Variants in TNK2 observed in about 807,000 individuals in gnomAD.
TNK2 encodes activated CDC42 kinase 1.
TNK2 carries 83 observed loss-of-function variants against 101.8 expected under a neutral mutation model. That is an observed-to-expected ratio of 0.82 (90% confidence interval 0.68 to 0.98). The LOEUF (loss-of-function observed/expected upper bound fraction) is 0.98. Ranked by LOEUF, TNK2 falls within the 50% of genes least tolerant of loss-of-function variation. The probability of loss-of-function intolerance (pLI) is 0.00; values close to 1 mark genes in which losing one functional copy is unlikely to be tolerated. For synonymous variants in TNK2, 804 were observed against 633.0 expected (o/e 1.27, Z -4.06); for missense variants, 1,665 against 1,483.2 (o/e 1.12, Z -2.01).
chr3:195,890,438 C>T (rs1757914350), intron 1 of TNK2, among the ~76,000 whole-genome samples: 2 of 145,740 alleles, frequency 1.4e-5, no homozygotes, highest in African/African-American at 2.5e-5. Context: ...TAAGAAAGTA[C>T]TTTTATAGTT....
At chr3:195,892,211 G>C (rs1202533187) in intron 1 of TNK2, among the ~76,000 whole-genome samples, 1 of 152,224 alleles carries the variant, frequency 6.6e-6, no homozygotes, top group Non-Finnish European at 1.5e-5. Context: ...TCACTACTCT[G>C]TGGCCGGCGT....
In TNK2 at chr3:195,870,174, CG is replaced by C. The variant is rs750898925; in HGVS notation, c.1482del (p.Asp495ThrfsTer3). On this transcript the variant is annotated frameshift_variant, in exon 11 of 16. Coordinates refer to ENST00000672887, the MANE Select transcript of TNK2 (RefSeq NM_001382273.1). LOFTEE classifies it high-confidence loss of function. Reference sequence around the variant, plus strand: ...GTGCTCAGTTCCACGCTCAGGAGGTCGGGGGGGTCCATGGGGTTTCCCAGAT... The same window carrying C: ...GTGCTCAGTTCCACGCTCAGGAGGTCGGGGGGTCCATGGGGTTTCCCAGAT... ...ELYLGNPMDPPDLLSVELSTS... is the reference protein window; with the variant it reads ...ELYLGNPMDPXDLLSVELSTS... The C allele has an allele frequency of 5.8e-5, 89 of 1,525,050 alleles. No individual in the cohort carries two copies. Among genetic ancestry groups the C allele is most frequent in the East Asian group, 1.2e-4 (5 of 42,184 alleles). The allele number at this position is 1,525,050 out of a possible 1,614,324, so 94.5% of individuals were successfully genotyped here. A position where few individuals can be genotyped will look rare whatever the true frequency, so the allele number is the denominator to read the frequency against.
At position 195,885,327 on chromosome 3, in the gene TNK2, A is replaced by C; in HGVS notation, c.235-294T>G. ...ACCCAGCTGTGTGGAGAGGGAGGGC[A>C]CCGCCCAGCCAAGGTCGGAGTCTCC... On this transcript the variant is annotated intron_variant, in intron 3 of 15. Coordinates refer to ENST00000672887, the MANE Select transcript of TNK2 (RefSeq NM_001382273.1). This position sits in a 1 kb window ranked among gnomAD's most constrained non-coding sequence, Gnocchi z 4.7. 7.2e-7 allele frequency: 1 copy of C among 1,382,108 alleles called. No individual in the cohort carries two copies. The highest frequency in any genetic ancestry group is 9.5e-7 in the Non-Finnish European group (1 of 1,056,300). The allele number at this position is 1,382,108 out of a possible 1,614,324, so 85.6% of individuals were successfully genotyped here. A position where few individuals can be genotyped will look rare whatever the true frequency, so the allele number is the denominator to read the frequency against.
At chr3:195,892,200 G>A (rs997583761) in intron 1 of TNK2, among the ~76,000 whole-genome samples, 9 of 152,322 alleles carry the variant, frequency 5.9e-5, no homozygotes, top group South Asian at 2.1e-4. Flanking sequence ...ACCTGTGTCC[G>A]TCACTACTCT....
rs970148545 is a variant in TNK2 at position 195,892,803 on chromosome 3, C to G, written c.-18-4197G>C. On this transcript the variant is annotated intron_variant, in intron 1 of 15. Coordinates refer to ENST00000672887, the MANE Select transcript of TNK2 (RefSeq NM_001382273.1). The stretch of plus-strand genomic sequence containing the variant: ...ACCCAACTGCCCGCCCGGCCGCCCT[C>G]CCTCTTGCCTGCCTCTCTCTCTCCC... 1.8e-4 allele frequency: 207 copies of G among 1,125,656 alleles called. 1 individual carries two copies. The African/African-American group carries it at 3.2e-3, about 18-fold the overall frequency. 69.7% of individuals were successfully genotyped at this position (1,125,656 alleles called of 1,614,324 possible). A position where few individuals can be genotyped will look rare whatever the true frequency, so the allele number is the denominator to read the frequency against.
intron 2 of TNK2, among the ~76,000 whole-genome samples, chr3:195,887,952 CTGCGTG>C (rs1160909091): frequency 1.3e-5 from 1 of 75,216 alleles, no homozygotes; most frequent in African/African-American, 8.7e-5. Context: ...GCGTGTGTGC[CTGCGTG>C]TGTGTGTGTG....
At chr3:195,895,667 ACTCAGCC>A in intron 1 of TNK2, 1 of 1,182,366 alleles carries the variant, frequency 8.5e-7, no homozygotes. Context: ...ACCGGGCTCC[ACTCAGCC>A]CTCAGCCCGC....
intron 10 of TNK2, among the ~76,000 whole-genome samples, chr3:195,871,281 G>A (rs1035806364): frequency 2.0e-5 from 3 of 152,066 alleles, no homozygotes; most frequent in African/African-American, 4.8e-5. Flanking sequence ...CTCTTACATA[G>A]GAGACAGGGC....
At position 195,886,856 on chromosome 3, in the gene TNK2, G is replaced by C. The variant is rs1755838744; in HGVS notation, c.234+121C>G. The C allele has an allele frequency of 1.8e-6, 2 of 1,091,998 alleles. No individual in the cohort carries two copies. The highest frequency in any genetic ancestry group is 2.8e-6 in the Non-Finnish European group (2 of 709,220). 67.6% of individuals were successfully genotyped at this position (1,091,998 alleles called of 1,614,324 possible). On this transcript the variant is annotated intron_variant, in intron 3 of 15. Coordinates refer to ENST00000672887, the MANE Select transcript of TNK2 (RefSeq NM_001382273.1). This position sits in a 1 kb window ranked among gnomAD's most constrained non-coding sequence, Gnocchi z 4.2. ...CCTGGACGAGGGGGTCCTGTACAAA[G>C]TGCCGGCAGAACGGCGAGATTCGAC...
intron 4 of TNK2, chr3:195,883,708 G>C (rs1462829688): frequency 5.9e-6 from 1 of 168,192 alleles, no homozygotes; most frequent in Middle Eastern, 3.0e-3. Flanking sequence ...TCTGCCTCCC[G>C]GGTTCAAGTG....
chr3:195,867,473 T>C lies in TNK2; in HGVS notation c.2825A>G (p.Asn942Ser), dbSNP rs1741667650. 3.8e-6 allele frequency: 6 copies of C among 1,580,544 alleles called. No homozygotes were observed. Among genetic ancestry groups the C allele is most frequent in the East Asian group, 4.5e-5 (2 of 44,524 alleles). Residue 942 changes from asparagine (N) to serine (S), a missense_variant, in exon 13 of 16, where the codon AAC (asparagine) becomes AGC (serine). This residue lies in a region of TNK2 where 1,136 missense variants were observed against 894.9 expected (regional missense o/e 1.27). Transcript: ENST00000672887. Reference sequence around the variant, plus strand: ...TGGTGGCCGGGCCCCTGGGTTGCTGTTGTTGGTGGAGAAGTTGGCCTTGGG... The same window carrying C: ...TGGTGGCCGGGCCCCTGGGTTGCTGCTGTTGGTGGAGAAGTTGGCCTTGGG... ...LDPKANFSTN[N>S]SNPGARPPPP...
intron 1 of TNK2, among the ~76,000 whole-genome samples, chr3:195,893,262 C>A (rs1007100906): frequency 1.3e-5 from 2 of 151,752 alleles, no homozygotes; most frequent in East Asian, 3.9e-4. Context: ...ACCCTGGTGC[C>A]CGACGGAAAT....
At position 195,885,049 on chromosome 3, in the gene TNK2, CG is replaced by C; in HGVS notation, c.235-17del. 6.4e-7 allele frequency: 1 copy of C among 1,571,980 alleles called. No homozygotes were observed. The highest frequency in any genetic ancestry group is 1.4e-5 in the African/African-American group (1 of 73,866). ...CACTGAACACCTGTTTGAAGGCAGC[CG>C]GGGGCCAGATGGAATCCAACACCCC... On this transcript the variant is annotated splice_polypyrimidine_tract_variant and intron_variant, in intron 3 of 15. Transcript: ENST00000672887. The surrounding 1 kb of genome is among the most constrained non-coding windows in gnomAD (Gnocchi z 4.7).
intron 7 of TNK2, 41 bp downstream of exon 7, chr3:195,879,008 C>A: frequency 6.2e-7 from 1 of 1,603,076 alleles, no homozygotes; most frequent in South Asian, 1.1e-5. Context: ...GAATGGAATT[C>A]ACCCCACCAG....
At chr3:195,892,709 T>A in intron 1 of TNK2, 3 of 1,392,598 alleles carry the variant, frequency 2.2e-6, no homozygotes, top group Non-Finnish European at 2.8e-6. Flanking sequence ...GCAGCCGGGA[T>A]CCTCTGTCCT....
At chr3:195,872,842 C>T (rs1746384760) in intron 9 of TNK2, 3 of 225,388 alleles carry the variant, frequency 1.3e-5, no homozygotes, top group Admixed American at 1.0e-4. Context: ...GCCCCGCCCA[C>T]ACCTCCTCCT....
At position 195,868,112 on chromosome 3, in the gene TNK2, C is replaced by A. The variant is rs778321376; in HGVS notation, c.2186G>T (p.Cys729Phe). 1 of 1,611,410 alleles carries A rather than the reference C, an allele frequency of 6.2e-7. No individual in the cohort carries two copies. Among genetic ancestry groups the A allele is most frequent in the Non-Finnish European group, 8.5e-7 (1 of 1,179,448 alleles). The change falls in exon 13 of 16, where the codon TGC becomes TTC. Residue 729 changes from cysteine to phenylalanine, a missense_variant. Coordinates refer to ENST00000672887, the MANE Select transcript of TNK2 (RefSeq NM_001382273.1). Reference sequence around the variant, plus strand: ...GGCCGGAGCCTGCAGTTGCCTCATGCACTCCTGCTGTAGCGCCTGGAAGAT... The same window carrying A: ...GGCCGGAGCCTGCAGTTGCCTCATGAACTCCTGCTGTAGCGCCTGGAAGAT... ...AEIFQALQQE[C>F]MRQLQAPAGS...
At chr3:195,870,261 G>A (rs781057838) in intron 10 of TNK2, 56 bp from the exon 11 acceptor site, 4 of 1,595,652 alleles carry the variant, frequency 2.5e-6, no homozygotes, top group Non-Finnish European at 3.4e-6. Context: ...AGGGGTGGCA[G>A]AATCTCATCA....
chr3:195,887,793 ATG>A lies in TNK2; in HGVS notation c.163+631_163+632del, dbSNP rs528341070. On this transcript the variant is annotated intron_variant, in intron 2 of 15. Transcript: ENST00000672887. ...TGTGCGTCTGCGCGCGTGTGTGTAC[ATG>A]TGTGTATGCCGTGCGTGTGCATGCG... Among the ~76,000 whole-genome samples, 137 of 149,912 alleles carry A rather than the reference ATG, an allele frequency of 9.1e-4. 1 individual carries two copies. The highest frequency in any genetic ancestry group is 2.9e-3 in the African/African-American group (116 of 40,458).
Sources: allele counts gnomAD v4.1 joint callset (sites outside exome capture counted in the v4.1 genomes callset), GRCh38; gene constraint gnomAD v4.1.1; regional missense constraint gnomAD v4.1.1; non-coding constraint Gnocchi (gnomAD v3.1); transcripts MANE v1.5; gene names NCBI Gene and HGNC (gene_info 2026-07-23, HGNC 2026-07-21).